GPM6A: variants seen among roughly 807,000 people sequenced by gnomAD.
GPM6A encodes glycoprotein M6A.
In GPM6A, 7 loss-of-function variants were observed where a neutral mutation model predicts 32.1. The observed-to-expected ratio is 0.22, with a 90% CI of 0.12 to 0.41. The LOEUF (loss-of-function observed/expected upper bound fraction) is 0.41, where lower values mean the gene tolerates loss of function less well. Among genes scored for constraint, GPM6A ranks in the 10% least tolerant of loss-of-function variants. The pLI, the probability that GPM6A is intolerant of heterozygous loss-of-function variation, is 1.00. For synonymous variants in GPM6A, 130 were observed against 123.4 expected (o/e 1.05, Z -0.35); for missense variants, 235 against 347.2 (o/e 0.68, Z 2.57).
At chr4:175,834,265 G>C (rs888410291) in intron 1 of GPM6A, among the ~76,000 whole-genome samples, 1 of 152,202 alleles carries the variant, frequency 6.6e-6, no homozygotes, top group Non-Finnish European at 1.5e-5. Flanking sequence ...CTGGCAGTGG[G>C]GGAGGGCAAG....
intron 1 of GPM6A, among the ~76,000 whole-genome samples, chr4:175,950,414 ATAT>A (rs1739768886): frequency 2.0e-5 from 3 of 152,202 alleles, no homozygotes; most frequent in Non-Finnish European, 4.4e-5. Flanking sequence ...ATACAACTGG[ATAT>A]AATTTTGAAA....
chr4:175,667,560 T>C (rs569186274), intron 3 of GPM6A, among the ~76,000 whole-genome samples: 6 of 152,288 alleles, frequency 3.9e-5, no homozygotes, highest in African/African-American at 1.4e-4. Flanking sequence ...CATGGACTTT[T>C]AGTTAACAAT....
intron 1 of GPM6A, among the ~76,000 whole-genome samples, chr4:175,895,302 T>C (rs1467688002): frequency 6.6e-6 from 1 of 152,150 alleles, no homozygotes; most frequent in Non-Finnish European, 1.5e-5. Flanking sequence ...CTATAAAGAA[T>C]ACGTGATTCA....
At chr4:175,837,393 T>C (rs1735801426) in intron 1 of GPM6A, among the ~76,000 whole-genome samples, 1 of 152,024 alleles carries the variant, frequency 6.6e-6, no homozygotes, top group African/African-American at 2.4e-5. Context: ...ACAGCAGCAA[T>C]AGGAAACTAA....
At chr4:175,930,250 T>C (rs989331167) in intron 1 of GPM6A, among the ~76,000 whole-genome samples, 10 of 152,110 alleles carry the variant, frequency 6.6e-5, no homozygotes, top group Non-Finnish European at 1.2e-4. Context: ...GAAACAGCAT[T>C]AGCAGTTTCA....
chr4:175,696,018 G>A (rs761801612), intron 2 of GPM6A, among the ~76,000 whole-genome samples: 1 of 152,052 alleles, frequency 6.6e-6, no homozygotes, highest in Non-Finnish European at 1.5e-5. Context: ...TATGTTCAGG[G>A]ACAAACAGAC....
chr4:175,690,956 C>A (rs1321380914), intron 2 of GPM6A, among the ~76,000 whole-genome samples: 1 of 152,150 alleles, frequency 6.6e-6, no homozygotes, highest in Non-Finnish European at 1.5e-5. Flanking sequence ...TGGACATGTG[C>A]TAATGTTACA....
intron 1 of GPM6A, among the ~76,000 whole-genome samples, chr4:175,996,898 G>A (rs1741324774): frequency 6.6e-6 from 1 of 151,908 alleles, no homozygotes; most frequent in African/African-American, 2.4e-5. Context: ...AAGGAAAAGC[G>A]ATGTCCTGGG....
At chr4:175,649,701 C>T (rs998529183) in intron 4 of GPM6A, among the ~76,000 whole-genome samples, 3 of 152,200 alleles carry the variant, frequency 2.0e-5, no homozygotes, top group Non-Finnish European at 4.4e-5. Flanking sequence ...TAAACCGAAG[C>T]TCTGAGAGTA....
At chr4:175,671,746 G>A (rs1743084519) in intron 3 of GPM6A, among the ~76,000 whole-genome samples, 1 of 152,118 alleles carries the variant, frequency 6.6e-6, no homozygotes, top group Non-Finnish European at 1.5e-5. Flanking sequence ...GACAGCCAGG[G>A]TATGGCTCAG....
At chr4:175,644,170 C>T (rs1579333954) in intron 4 of GPM6A, among the ~76,000 whole-genome samples, 1 of 135,956 alleles carries the variant, frequency 7.4e-6, no homozygotes, top group East Asian at 2.4e-4. Flanking sequence ...TTTGCCCAGG[C>T]CAGACTGCAG....
intron 1 of GPM6A, among the ~76,000 whole-genome samples, chr4:175,876,012 A>T (rs1737073655): frequency 6.6e-6 from 1 of 152,334 alleles, no homozygotes; most frequent in African/African-American, 2.4e-5. Flanking sequence ...CACTGGTTTT[A>T]TTTCTAACCA....
At chr4:176,001,456 G>A (rs1001703392) in intron 1 of GPM6A, among the ~76,000 whole-genome samples, 9 of 152,180 alleles carry the variant, frequency 5.9e-5, no homozygotes, top group African/African-American at 2.2e-4. Flanking sequence ...GTGACTCGTG[G>A]GACCCTGCGT....
intron 1 of GPM6A, among the ~76,000 whole-genome samples, chr4:176,001,699 T>C (rs1451539226): frequency 1.3e-5 from 2 of 152,200 alleles, no homozygotes; most frequent in African/African-American, 4.8e-5. Context: ...TTAGGAAGAA[T>C]CAGCCTTCAG....
chr4:175,711,457 T>TACAC (rs763949633), intron 1 of GPM6A, among the ~76,000 whole-genome samples: 296 of 27,928 alleles, frequency 0.011, 6 homozygotes, highest in Non-Finnish European at 0.018. Flanking sequence ...TATATATATA[T>TACAC]ACACACACAT....
chr4:175,788,828 T>C (rs1733900682), intron 1 of GPM6A, among the ~76,000 whole-genome samples: 1 of 152,144 alleles, frequency 6.6e-6, no homozygotes, highest in Non-Finnish European at 1.5e-5. Flanking sequence ...ATGAAGACAT[T>C]AATAAGGCTA....
chr4:175,965,056 A>G (rs1028562268), intron 1 of GPM6A, among the ~76,000 whole-genome samples: 1 of 152,234 alleles, frequency 6.6e-6, no homozygotes, highest in Non-Finnish European at 1.5e-5. Flanking sequence ...AAAACAGCAC[A>G]ATCAATTGAA....
chr4:175,679,772 T>C (rs772684223), intron 2 of GPM6A, among the ~76,000 whole-genome samples: 1 of 152,216 alleles, frequency 6.6e-6, no homozygotes, highest in Non-Finnish European at 1.5e-5. Context: ...CAATAGCTCA[T>C]TATTTTGGTA....
intron 1 of GPM6A, chr4:175,806,067 A>C (rs1352225747): frequency 6.6e-6 from 1 of 152,230 alleles, no homozygotes; most frequent in African/African-American, 2.4e-5. Flanking sequence ...GCTATCCAAA[A>C]GGATTTTTGA....
Sources: allele counts gnomAD v4.1 joint callset (sites outside exome capture counted in the v4.1 genomes callset), GRCh38; gene constraint gnomAD v4.1.1; transcripts MANE v1.5; gene names NCBI Gene and HGNC (gene_info 2026-07-23, HGNC 2026-07-21).